RNF24: variants seen among roughly 807,000 people sequenced by gnomAD.
RNF24 encodes the protein ring finger protein 24.
Under a neutral mutation model 20.0 loss-of-function variants are expected in RNF24, and 14 were observed. The observed-to-expected ratio is 0.70, with a 90% confidence interval of 0.46 to 1.10. The LOEUF (loss-of-function observed/expected upper bound fraction) is 1.10, where lower values mean the gene tolerates loss of function less well. Ranked by LOEUF, RNF24 falls within the 50% of genes least tolerant of loss-of-function variation. The pLI, the probability that RNF24 is intolerant of heterozygous loss-of-function variation, is 0.00. For synonymous variants in RNF24, 45 were observed against 61.1 expected (o/e 0.74, Z 1.23); for missense variants, 124 against 177.6 (o/e 0.70, Z 1.71).
chr20:3,928,976 G>C lies in RNF24; in HGVS notation c.*5087C>G, dbSNP rs547183929. 6.6e-6 allele frequency: 1 copy of C among 151,736 alleles called. No individual in the cohort carries two copies. Among genetic ancestry groups the C allele is most frequent in the African/African-American group, 2.4e-5 (1 of 41,326 alleles). 9.4% of individuals were successfully genotyped at this position (151,736 alleles called of 1,614,324 possible). ...CAATTCTCCTGTCCCAGCCTCCTGA[G>C]TGGCTGGGATTACAGGCATGCGTCA... On this transcript the variant is annotated 3_prime_UTR_variant, in exon 6 of 6. Coordinates refer to ENST00000358395, the MANE Select transcript of RNF24 (RefSeq NM_001134337.3).
At chr20:3,981,314 G>C (rs1345719553) in intron 1 of RNF24, among the ~76,000 whole-genome samples, 1 of 151,864 alleles carries the variant, frequency 6.6e-6, no homozygotes, top group Non-Finnish European at 1.5e-5. Flanking sequence ...CACATCAGAT[G>C]ACAGAAATAC....
intron 1 of RNF24, among the ~76,000 whole-genome samples, chr20:4,012,141 G>A (rs745700985): frequency 6.6e-6 from 1 of 152,046 alleles, no homozygotes; most frequent in Non-Finnish European, 1.5e-5. Flanking sequence ...GGCCGGGCGC[G>A]GTGGCTCACA....
intron 2 of RNF24, among the ~76,000 whole-genome samples, chr20:3,961,084 C>T (rs1330591254): frequency 1.3e-5 from 2 of 152,162 alleles, no homozygotes; most frequent in African/African-American, 4.8e-5. Flanking sequence ...TGAGCCACTG[C>T]ACCCGGCCTG....
chr20:3,973,500 CAAAAAAAAA>C (rs56824542), intron 1 of RNF24, among the ~76,000 whole-genome samples: 123 of 101,102 alleles, frequency 1.2e-3, no homozygotes, highest in East Asian at 3.3e-3. Flanking sequence ...GGAAGAATGA[CAAAAAAAAA>C]AAAAAAAAAA....
At chr20:3,947,298 A>G (rs1264010485) in intron 3 of RNF24, among the ~76,000 whole-genome samples, 1 of 152,270 alleles carries the variant, frequency 6.6e-6, no homozygotes, top group East Asian at 1.9e-4. Context: ...CCTGTACCCA[A>G]GAAGAAAGCT....
intron 2 of RNF24, among the ~76,000 whole-genome samples, chr20:3,948,521 T>C (rs2091046351): frequency 6.6e-6 from 1 of 152,112 alleles, no homozygotes; most frequent in Admixed American, 6.5e-5. Flanking sequence ...ATACCGACAG[T>C]CTACTTATTT....
intron 1 of RNF24, among the ~76,000 whole-genome samples, chr20:3,992,165 C>T: frequency 6.6e-6 from 1 of 152,168 alleles, no homozygotes; most frequent in East Asian, 1.9e-4. Context: ...AAGTATTTCT[C>T]TTTATTCAAA....
intron 1 of RNF24, among the ~76,000 whole-genome samples, chr20:3,968,523 T>C (rs1256637572): frequency 2.6e-5 from 4 of 151,992 alleles, no homozygotes; most frequent in Non-Finnish European, 5.9e-5. Context: ...GAGGCTAAGA[T>C]GGGAGGATCA....
At chr20:3,946,948 T>G (rs994394343) in intron 3 of RNF24, among the ~76,000 whole-genome samples, 1 of 152,100 alleles carries the variant, frequency 6.6e-6, no homozygotes, top group African/African-American at 2.4e-5. Flanking sequence ...ATCCTGGCAC[T>G]TTGGGAGGCC....
At chr20:3,953,217 T>C (rs563045472) in intron 2 of RNF24, among the ~76,000 whole-genome samples, 6 of 152,120 alleles carry the variant, frequency 3.9e-5, no homozygotes, top group Admixed American at 2.0e-4. Flanking sequence ...CAGTGCGTGA[T>C]CTCGGCTCAC....
At position 3,927,996 on chromosome 20, in the gene RNF24, C is replaced by T. The variant is rs2090750887; in HGVS notation, c.*6067G>A. 1 of 152,168 alleles carries T rather than the reference C, an allele frequency of 6.6e-6. No individual in the cohort carries two copies. The highest frequency in any genetic ancestry group is 1.5e-5 in the Non-Finnish European group (1 of 68,042). The allele number at this position is 152,168 out of a possible 1,614,324, so 9.4% of individuals were successfully genotyped here. On this transcript the variant is annotated 3_prime_UTR_variant, in exon 6 of 6. Transcript: ENST00000358395. ...GCAAAGTAAGGTTTACTACACAAGC[C>T]CCTCTTTTTCTTCTGATATCCCCAC... is the stretch of plus-strand genomic sequence containing the variant.
chr20:3,984,782 C>T (rs1252669358), intron 1 of RNF24, among the ~76,000 whole-genome samples: 2 of 151,290 alleles, frequency 1.3e-5, no homozygotes, highest in African/African-American at 2.4e-5. Flanking sequence ...GAGGATAACT[C>T]TTCTTTCTTT....
At chr20:3,968,239 T>A (rs919238145) in intron 1 of RNF24, among the ~76,000 whole-genome samples, 1 of 151,632 alleles carries the variant, frequency 6.6e-6, no homozygotes, top group Non-Finnish European at 1.5e-5. Context: ...GAGGCAGAGG[T>A]TGCAGTGAGC....
chr20:4,013,284 T>C (rs1051331822), intron 1 of RNF24, among the ~76,000 whole-genome samples: 2 of 152,204 alleles, frequency 1.3e-5, no homozygotes, highest in African/African-American at 2.4e-5. Flanking sequence ...GGAATATACA[T>C]AAACAGATGC....
At chr20:3,987,512 T>A (rs1188177765) in intron 1 of RNF24, among the ~76,000 whole-genome samples, 1 of 147,282 alleles carries the variant, frequency 6.8e-6, no homozygotes, top group African/African-American at 2.5e-5. Context: ...TAATTTTAAA[T>A]CTCTCTCAAG....
intron 1 of RNF24, among the ~76,000 whole-genome samples, chr20:3,972,969 G>T (rs1374416940): frequency 6.6e-6 from 1 of 151,876 alleles, no homozygotes; most frequent in African/African-American, 2.4e-5. Context: ...TTGGGAGGCC[G>T]AGGCGGGTGG....
intron 1 of RNF24, among the ~76,000 whole-genome samples, chr20:3,982,578 C>CAA (rs755663389): frequency 0.14 from 14,367 of 104,564 alleles, 1,187 homozygotes; most frequent in Non-Finnish European, 0.17. Flanking sequence ...GACTCTGTCT[C>CAA]AAAAAAAAAA....
At chr20:3,963,796 TA>T (rs563420686) in intron 2 of RNF24, 78 bp downstream of exon 2, 19 of 1,276,168 alleles carry the variant, frequency 1.5e-5, no homozygotes, top group South Asian at 3.1e-5. Flanking sequence ...TACTTCATTT[TA>T]AAAAAAATCT....
chr20:4,007,826 G>C (rs896133576), intron 1 of RNF24, among the ~76,000 whole-genome samples: 10 of 151,714 alleles, frequency 6.6e-5, no homozygotes, highest in Admixed American at 1.3e-4. Flanking sequence ...TGAGGTGGGA[G>C]GATTGTTTGA....
Sources: gnomAD v4.1 joint callset for allele counts (sites outside exome capture counted in the v4.1 genomes callset) on GRCh38, gnomAD v4.1.1 for gene constraint, MANE v1.5 for transcripts, NCBI Gene and HGNC (gene_info 2026-07-23, HGNC 2026-07-21) for gene names.